RRM2: variants seen among roughly 807,000 people sequenced by gnomAD.
The protein encoded by RRM2 is ribonucleoside-diphosphate reductase subunit M2.
In RRM2, 6 loss-of-function variants were observed where a neutral mutation model predicts 45.9. The ratio of observed to expected loss-of-function variants is 0.13; its 90% CI spans 0.07 to 0.26. RRM2 has a LOEUF of 0.26. Ranked by LOEUF, RRM2 falls within the 10% of genes least tolerant of loss-of-function variation. RRM2 has a pLI of 1.00. For missense variants in RRM2, 343 were observed against 489.5 expected, an observed-to-expected ratio of 0.70 and a Z score of 2.82; for synonymous variants, 177 against 173.0, an observed-to-expected ratio of 1.02 and a Z score of -0.18.
Position 10,124,840 on chromosome 2 carries a change from C to A in RRM2, c.559C>A (p.Pro187Thr). 24 of 1,597,546 alleles carry A rather than the reference C, an allele frequency of 1.5e-5. No individual in the cohort carries two copies. Among genetic ancestry groups the A allele is most frequent in the Non-Finnish European group, 2.1e-5 (24 of 1,167,884 alleles). Residue 187 changes from proline to threonine, a missense_variant, in exon 5 of 10, where the codon CCC becomes ACC. Coordinates refer to ENST00000304567, the MANE Select transcript of RRM2 (RefSeq NM_001034.4). ...SLLIDTYIKD[P>T]KEREFLFNAI... is the part of the protein sequence containing the mutation. ...TCTTATTGACACTTACATAAAAGAT[C>A]CCAAAGAAAGGTGAGTATTCAAGTG...
In RRM2 at chr2:10,142,166, AG is replaced by A. The variant is rs550296632; in HGVS notation, n.362-85del. 8.4e-4 allele frequency: 1,234 copies of A among 1,470,524 alleles called. 6 individuals carry two copies. In the African/African-American group the frequency reaches 0.015, roughly 18 times the overall value. 91.1% of individuals were successfully genotyped at this position (1,470,524 alleles called of 1,614,324 possible). On this transcript the variant is annotated intron_variant and non_coding_transcript_variant, in intron 2 of 3. Transcript: ENST00000381786. The stretch of plus-strand genomic sequence containing the variant: ...GTCTGTGAGTGGTCAGAGCAGAGTG[AG>A]GGGTGGGAGATGGGGCTGGGTCAGT...
Position 10,183,993 on chromosome 2 carries a change from T to A in RRM2, n.483-26318T>A, listed in dbSNP as rs147230636. On this transcript the variant is annotated intron_variant and non_coding_transcript_variant, in intron 3 of 3. Coordinates refer to the RRM2 transcript ENST00000381786. ...CTGTAGTCCCAGCTACTGGGGAGGC[T>A]GAGGCAGGAGAATGGCGTGAACCCA... Among the ~76,000 whole-genome samples the A allele has an allele frequency of 5.3e-3, 747 of 140,748 alleles. 5 individuals carry two copies. Among genetic ancestry groups the A allele is most frequent in the African/African-American group, 0.018 (691 of 37,356 alleles). The allele number at this position is 140,748 out of a possible 152,430, so 92.3% of individuals were successfully genotyped here.
At chr2:10,149,771 CTTGTCTGTGTGA>C (rs1040459471) in intron 3 of RRM2, among the ~76,000 whole-genome samples, 10 of 152,264 alleles carry the variant, frequency 6.6e-5, no homozygotes, top group African/African-American at 2.4e-4. Context: ...GCAAGTGTGG[CTTGTCTGTGTGA>C]TTGTCTGTGT....
At chr2:10,142,040 C>T (rs1383520574) in intron 2 of RRM2, 2 of 1,587,732 alleles carry the variant, frequency 1.3e-6, no homozygotes, top group African/African-American at 2.7e-5. Flanking sequence ...ATGTGGGGAG[C>T]CAGAGGGAGC....
rs116696990 is a variant in RRM2, at chr2:10,185,480, G to A, written n.483-24831G>A. On this transcript the variant is annotated intron_variant and non_coding_transcript_variant, in intron 3 of 3. Coordinates refer to the RRM2 transcript ENST00000381786. This position sits in a 1 kb window ranked among gnomAD's most constrained non-coding sequence, Gnocchi z 4.3. ...AGAATAATAGAAAAGCCCAGCGTGC[G>A]ACATCAGTGTCAACAGAGGTCCATA... is the stretch of plus-strand genomic sequence containing the variant. Among the ~76,000 whole-genome samples, 589 of 152,226 alleles carry A rather than the reference G, an allele frequency of 3.9e-3. 3 individuals carry two copies. Among genetic ancestry groups the A allele is most frequent in the African/African-American group, 0.013 (545 of 41,518 alleles).
At chr2:10,135,939 T>G (rs1662982739), downstream of RRM2, among the ~76,000 whole-genome samples, 1 of 152,140 alleles carries the variant, frequency 6.6e-6, no homozygotes, top group Admixed American at 6.5e-5. Flanking sequence ...GTCTTGGTGC[T>G]GCCATATTCT....
Position 10,167,854 on chromosome 2 carries a change from T to G in RRM2, n.482+25479T>G, listed in dbSNP as rs559395418. ...CTGCCTCTGAGATTTAATAAGCCCT[T>G]AGGTCAAATGTCTGCTTGGCCAGAG... On this transcript the variant is annotated intron_variant and non_coding_transcript_variant, in intron 3 of 3. Transcript: ENST00000381786. Among the ~76,000 whole-genome samples the G allele has an allele frequency of 3.3e-5, 5 of 152,252 alleles. No individual in the cohort carries two copies. In the South Asian group the frequency reaches 8.3e-4, roughly 25 times the overall value.
At chr2:10,168,688 C>T (rs1265886556) in intron 3 of RRM2, among the ~76,000 whole-genome samples, 1 of 150,204 alleles carries the variant, frequency 6.7e-6, no homozygotes, top group East Asian at 1.9e-4. Context: ...CTCCACCTTC[C>T]AGCCACCTGT....
rs1445451100 is a variant in RRM2 at position 10,185,559 on chromosome 2, C to A, written n.483-24752C>A. Reference sequence around the variant, plus strand: ...CCACCCATTCACTCCTCTCCCAAATCCGGATGGTTTTAAGGTGATTTTAGC... The same window carrying A: ...CCACCCATTCACTCCTCTCCCAAATACGGATGGTTTTAAGGTGATTTTAGC... On this transcript the variant is annotated intron_variant and non_coding_transcript_variant, in intron 3 of 3. Transcript: ENST00000381786. This position sits in a 1 kb window ranked among gnomAD's most constrained non-coding sequence, Gnocchi z 4.3. 6.6e-6 allele frequency among the ~76,000 whole-genome samples: 1 copy of A among 152,162 alleles called. No homozygotes were observed. Among genetic ancestry groups the A allele is most frequent in the African/African-American group, 2.4e-5 (1 of 41,442 alleles).
chr2:10,126,751 C>T lies in RRM2; in HGVS notation c.570-124C>T, dbSNP rs187349869. 10 of 723,852 alleles carry T rather than the reference C, an allele frequency of 1.4e-5. No individual in the cohort carries two copies. In the Admixed American group the frequency reaches 2.0e-4, roughly 14 times the overall value. The allele number at this position is 723,852 out of a possible 1,614,324, so 44.8% of individuals were successfully genotyped here. A position where few individuals can be genotyped will look rare whatever the true frequency, so the allele number is the denominator to read the frequency against. ...TAAAACATTTCGGTGTGAGTTCTTC[C>T]TTTAGGAAGAGGATTGGCAAATACT... On this transcript the variant is annotated intron_variant, in intron 5 of 9. Coordinates refer to ENST00000304567, the MANE Select transcript of RRM2 (RefSeq NM_001034.4).
At chr2:10,198,282 C>T (rs1664456872) in intron 3 of RRM2, among the ~76,000 whole-genome samples, 1 of 152,212 alleles carries the variant, frequency 6.6e-6, no homozygotes, top group South Asian at 2.1e-4. Flanking sequence ...ACATCTCCTC[C>T]AAAGTCATTC....
chr2:10,164,644 A>G (rs1663643205), intron 3 of RRM2, among the ~76,000 whole-genome samples: 1 of 152,146 alleles, frequency 6.6e-6, no homozygotes, highest in South Asian at 2.1e-4. Flanking sequence ...AGAGACAGAA[A>G]CTTAAGGGCT....
chr2:10,160,566 G>A (rs571356084), intron 3 of RRM2, among the ~76,000 whole-genome samples: 11 of 152,278 alleles, frequency 7.2e-5, no homozygotes, highest in Non-Finnish European at 1.3e-4. Flanking sequence ...GATTTAAGGC[G>A]GTTCCCTCAT....
Position 10,123,405 on chromosome 2 carries a change from C to T in RRM2, c.193C>T (p.Pro65Ser), listed in dbSNP as rs1662711561. The T allele has an allele frequency of 6.2e-7, 1 of 1,607,118 alleles. No individual in the cohort carries two copies. Among genetic ancestry groups the T allele is most frequent in the African/African-American group, 1.3e-5 (1 of 74,164 alleles). Reference sequence around the variant, plus strand: ...CCAACAGAAAACTAAAGCAGCTGCCCCCGGCGTGGAGGATGAGCCGCTGCT... The same window carrying T: ...CCAACAGAAAACTAAAGCAGCTGCCTCCGGCGTGGAGGATGAGCCGCTGCT... ...PTEPKTKAAAPGVEDEPLLRE... is the reference protein window; with the variant it reads ...PTEPKTKAAASGVEDEPLLRE... Residue 65 changes from proline to serine, a missense_variant, in exon 3 of 10, where the codon CCC (proline) becomes TCC (serine). Physicochemically the swap from Pro to Ser is moderately conservative, Grantham distance 74. Coordinates refer to ENST00000304567, the MANE Select transcript of RRM2 (RefSeq NM_001034.4).
chr2:10,143,440 C>T (rs1283442452), intron 3 of RRM2, among the ~76,000 whole-genome samples: 1 of 152,246 alleles, frequency 6.6e-6, no homozygotes, highest in Non-Finnish European at 1.5e-5. Context: ...CTTGTTCCAG[C>T]TGAGTGCCCT....
chr2:10,194,012 G>A (rs1447230954), intron 3 of RRM2, among the ~76,000 whole-genome samples: 1 of 152,148 alleles, frequency 6.6e-6, no homozygotes, highest in African/African-American at 2.4e-5. Flanking sequence ...CCATTTCAAC[G>A]CTTAATGCCA....
At chr2:10,197,482 G>A (rs907522511) in intron 3 of RRM2, among the ~76,000 whole-genome samples, 3 of 152,198 alleles carry the variant, frequency 2.0e-5, no homozygotes, top group Non-Finnish European at 4.4e-5. Flanking sequence ...GGAAGCAGAA[G>A]GGCTGGGGGA....
rs370575020 is a variant in RRM2, at chr2:10,171,997, G to A, written n.482+29622G>A. Among the ~76,000 whole-genome samples the A allele has an allele frequency of 5.9e-5, 9 of 152,320 alleles. 1 individual carries two copies. The South Asian group carries it at 1.9e-3, about 32-fold the overall frequency. ...CTGCTTGTTTAGAAAACCGGGCAGA[G>A]GAGCCCTGCTAGTCCAGGCCGGGCC... On this transcript the variant is annotated intron_variant and non_coding_transcript_variant, in intron 3 of 3. Transcript: ENST00000381786. The surrounding 1 kb of genome is among the most constrained non-coding windows in gnomAD (Gnocchi z 4.1).
chr2:10,142,352 G>T, exon 3 of RRM2: 1 of 1,375,414 alleles, frequency 7.3e-7, no homozygotes, highest in Non-Finnish European at 9.7e-7. Flanking sequence ...GCCAGTGGAA[G>T]CGGGAGGCAG....
Sources: gnomAD v4.1 joint callset for allele counts (sites outside exome capture counted in the v4.1 genomes callset) on GRCh38, gnomAD v4.1.1 for gene constraint, Gnocchi (gnomAD v3.1) non-coding constraint, MANE v1.5 for transcripts, NCBI Gene and HGNC (gene_info 2026-07-23, HGNC 2026-07-21) for gene names.